Variants in PCDH15 observed in about 807,000 individuals in gnomAD.
PCDH15 encodes the protein protocadherin-15.
A neutral mutation model predicts 178.5 loss-of-function variants in PCDH15; 129 were observed. That is an observed-to-expected ratio of 0.72 (90% CI 0.63 to 0.84). The LOEUF is 0.84. Ranked by LOEUF, PCDH15 falls within the 40% of genes least tolerant of loss-of-function variation. The pLI is 0.00. For missense variants in PCDH15, 2,230 were observed against 2,099.9 expected (o/e 1.06, Z -1.21); for synonymous variants, 800 against 732.0 (o/e 1.09, Z -1.50).
intron 2 of PCDH15, among the ~76,000 whole-genome samples, chr10:55,017,635 T>C (rs766560932): frequency 3.3e-5 from 5 of 152,134 alleles, no homozygotes; most frequent in Admixed American, 6.6e-5. Context: ...ATATCCTCTA[T>C]ATGCCCAAGA....
chr10:55,162,539 C>A (rs576093170), intron 2 of PCDH15, among the ~76,000 whole-genome samples: 4 of 152,264 alleles, frequency 2.6e-5, no homozygotes, highest in East Asian at 1.9e-4. Context: ...CTCTAAATTG[C>A]CCTTAGTCAT....
Position 54,213,813 on chromosome 10 carries a change from TTGAC to T in PCDH15, c.1098+119_1098+122del, listed in dbSNP as rs1317816979. ...CGCTTATTTTCTTTTTAACAAAAAA[TTGAC>T]TGACTGCTGTCCACATTAATTTTAA... On this transcript the variant is annotated intron_variant, in intron 10 of 37. Transcript: ENST00000644397. 123 of 624,752 alleles carry T rather than the reference TTGAC, an allele frequency of 2.0e-4. 1 individual carries two copies. The highest frequency in any genetic ancestry group is 4.8e-4 in the Admixed American group (17 of 35,322). 38.7% of individuals were successfully genotyped at this position (624,752 alleles called of 1,614,324 possible).
At chr10:55,031,570 G>A (rs1371296119) in intron 2 of PCDH15, among the ~76,000 whole-genome samples, 2 of 152,268 alleles carry the variant, frequency 1.3e-5, no homozygotes, top group Non-Finnish European at 2.9e-5. Context: ...TCAGATTCAG[G>A]AAAGGAGGGG....
chr10:53,975,379 A>G (rs1222302841), intron 21 of PCDH15, among the ~76,000 whole-genome samples: 1 of 152,196 alleles, frequency 6.6e-6, no homozygotes, highest in African/African-American at 2.4e-5. Flanking sequence ...ACAGTGGCTG[A>G]ATTAATTTAC....
intron 21 of PCDH15, among the ~76,000 whole-genome samples, chr10:53,967,529 C>T (rs1204233810): frequency 6.6e-6 from 1 of 152,116 alleles, no homozygotes; most frequent in Non-Finnish European, 1.5e-5. Context: ...AGTTTGGCCT[C>T]CCAAAGTATT....
chr10:53,923,865 C>A (rs1227570803), intron 25 of PCDH15, among the ~76,000 whole-genome samples: 1 of 152,228 alleles, frequency 6.6e-6, no homozygotes, highest in Non-Finnish European at 1.5e-5. Context: ...CTTTTCCTCT[C>A]ATTCACTAAA....
intron 2 of PCDH15, among the ~76,000 whole-genome samples, chr10:54,982,822 T>C (rs976892497): frequency 2.6e-5 from 4 of 152,182 alleles, no homozygotes; most frequent in African/African-American, 7.2e-5. Flanking sequence ...AAGCATTATA[T>C]TGATAATATC....
At chr10:54,346,264 T>C (rs777148849) in intron 6 of PCDH15, 101 bp downstream of exon 6, 16 of 1,115,394 alleles carry the variant, frequency 1.4e-5, no homozygotes, top group Admixed American at 2.0e-5. Context: ...ATTACTAATC[T>C]GGTTCTGGAA....
chr10:54,639,913 C>G (rs2093952498), intron 2 of PCDH15, among the ~76,000 whole-genome samples: 1 of 151,830 alleles, frequency 6.6e-6, no homozygotes, highest in Non-Finnish European at 1.5e-5. Flanking sequence ...TAAAATATAC[C>G]TAGTGATTAT....
At chr10:54,393,149 T>C (rs554356245) in intron 3 of PCDH15, among the ~76,000 whole-genome samples, 1 of 152,296 alleles carries the variant, frequency 6.6e-6, no homozygotes, top group East Asian at 1.9e-4. Flanking sequence ...AAATCAGCCT[T>C]ACTACATACA....
At chr10:55,462,989 T>C (rs1390592036) in intron 2 of PCDH15, among the ~76,000 whole-genome samples, 1 of 151,638 alleles carries the variant, frequency 6.6e-6, no homozygotes, top group Non-Finnish European at 1.5e-5. Context: ...TGAAGCAAAG[T>C]GCACACTGTA....
intron 3 of PCDH15, among the ~76,000 whole-genome samples, chr10:54,518,977 T>G (rs938299766): frequency 2.0e-5 from 3 of 152,178 alleles, no homozygotes; most frequent in Non-Finnish European, 2.9e-5. Flanking sequence ...ATTATCTCAA[T>G]AGATGCAGAA....
Position 55,481,801 on chromosome 10 carries a change from G to T in PCDH15, c.-156+145824C>A, listed in dbSNP as rs533225929. Among the ~76,000 whole-genome samples the T allele has an allele frequency of 4.6e-5, 7 of 151,872 alleles. No individual in the cohort carries two copies. In the East Asian group the frequency reaches 1.4e-3, roughly 30 times the overall value. On this transcript the variant is annotated intron_variant, in intron 2 of 5. Transcript: ENST00000613346. ...AGTTCCATATGCCAATGAGAAGATTGTATATTCTGTTCTTTGGGGTGGAGA... is the reference window on the plus strand; with the variant it reads ...AGTTCCATATGCCAATGAGAAGATTTTATATTCTGTTCTTTGGGGTGGAGA...
chr10:54,801,034 T>C lies in PCDH15; in HGVS notation c.-138A>G, dbSNP rs891717372. ...AAAAGAACCAGTGCTCATAATCTAG[T>C]TCCAAGACGATTCATTCACATGTTC... On this transcript the variant is annotated 5_prime_UTR_variant, in exon 1 of 38. Coordinates refer to ENST00000644397, the MANE Select transcript of PCDH15 (RefSeq NM_001384140.1). 2 of 152,176 alleles carry C rather than the reference T, an allele frequency of 1.3e-5. No individual in the cohort carries two copies. The highest frequency in any genetic ancestry group is 2.9e-5 in the Non-Finnish European group (2 of 68,040). 9.4% of individuals were successfully genotyped at this position (152,176 alleles called of 1,614,324 possible). A position where few individuals can be genotyped will look rare whatever the true frequency, so the allele number is the denominator to read the frequency against.
chr10:54,372,216 A>C (rs1947785463), intron 4 of PCDH15, among the ~76,000 whole-genome samples: 1 of 151,828 alleles, frequency 6.6e-6, no homozygotes, highest in South Asian at 2.1e-4. Context: ...ACCTATAAAA[A>C]CATTCTATCT....
At chr10:54,373,384 C>T (rs893248142) in intron 4 of PCDH15, among the ~76,000 whole-genome samples, 2 of 151,848 alleles carry the variant, frequency 1.3e-5, no homozygotes, top group Non-Finnish European at 2.9e-5. Context: ...AAATAAGACA[C>T]TGTGTGTTTT....
In PCDH15 at chr10:54,460,843, A is replaced by G. The variant is rs117095430; in HGVS notation, c.157+66969T>C. 4.9e-3 allele frequency among the ~76,000 whole-genome samples: 752 copies of G among 152,228 alleles called. 3 individuals carry two copies. The highest frequency in any genetic ancestry group is 8.8e-3 in the Non-Finnish European group (595 of 67,972). ...TTTGAAGTGCACTTGAGGAACTCCA[A>G]CGTGGGAGAGTGTTAAATAGCCAAT... On this transcript the variant is annotated intron_variant, in intron 3 of 37. Transcript: ENST00000644397.
At chr10:53,988,551 A>T (rs2091262136) in intron 21 of PCDH15, among the ~76,000 whole-genome samples, 1 of 152,188 alleles carries the variant, frequency 6.6e-6, no homozygotes, top group Non-Finnish European at 1.5e-5. Flanking sequence ...ACGAATTGCA[A>T]AGAGGACAAA....
intron 3 of PCDH15, among the ~76,000 whole-genome samples, chr10:54,488,931 A>T (rs1395122032): frequency 1.3e-5 from 2 of 152,062 alleles, no homozygotes; most frequent in African/African-American, 4.8e-5. Flanking sequence ...TGAATCTTTT[A>T]CTGCCAAATA....
Sources: allele counts gnomAD v4.1 joint callset (sites outside exome capture counted in the v4.1 genomes callset), GRCh38; gene constraint gnomAD v4.1.1; transcripts MANE v1.5; gene names NCBI Gene and HGNC (gene_info 2026-07-23, HGNC 2026-07-21).